The following APP variants were observed in gnomAD, a reference collection of about 807,000 sequenced individuals.
The protein encoded by APP is amyloid-beta precursor protein.
Under a neutral mutation model 101.4 loss-of-function variants are expected in APP, and 31 were observed. The observed-to-expected ratio is 0.31, with a 90% CI of 0.23 to 0.41. The LOEUF (loss-of-function observed/expected upper bound fraction) is 0.41, where lower values mean the gene tolerates loss of function less well. Ranked by LOEUF, APP falls within the 10% of genes least tolerant of loss-of-function variation. APP has a pLI of 1.00. For synonymous variants in APP, 366 were observed against 364.4 expected (o/e 1.00, Z -0.05); for missense variants, 839 against 1,003.7 (o/e 0.84, Z 2.22).
In APP at chr21:25,881,649, A is replaced by T; in HGVS notation, c.*21T>A. The T allele has an allele frequency of 5.0e-6, 8 of 1,610,396 alleles. No homozygotes were observed. Among genetic ancestry groups the T allele is most frequent in the Non-Finnish European group, 6.8e-6 (8 of 1,176,722 alleles). On this transcript the variant is annotated 3_prime_UTR_variant, in exon 18 of 18. Coordinates refer to ENST00000346798, the MANE Select transcript of APP (RefSeq NM_000484.4). ...AGCAATGGTTTTGCTGTCCAACTTC[A>T]GAGGCTGCTGTGGCGGGGGTCTAGT...
chr21:25,939,548 A>G (rs2040490362), intron 13 of APP, among the ~76,000 whole-genome samples: 5 of 152,250 alleles, frequency 3.3e-5, no homozygotes, highest in Admixed American at 3.3e-4. Flanking sequence ...ATAAGGGATG[A>G]GAAAAAGCAG....
At chr21:26,027,521 C>T (rs1001775454) in intron 5 of APP, among the ~76,000 whole-genome samples, 3 of 152,172 alleles carry the variant, frequency 2.0e-5, no homozygotes, top group Non-Finnish European at 4.4e-5. Context: ...GCCAGTACTT[C>T]TCCCGCATAA....
chr21:26,140,293 A>G lies in APP; in HGVS notation c.58-28147T>C, dbSNP rs574808556. 25 of 1,534,744 alleles carry G rather than the reference A, an allele frequency of 1.6e-5. No homozygotes were observed. In the African/African-American group the frequency reaches 2.2e-4, roughly 13 times the overall value. ...CAAACTGTTAACTGCAGTGACCACAACTTGACCCAGGCCAGAGCTTCCATC... is the reference window on the plus strand; with the variant it reads ...CAAACTGTTAACTGCAGTGACCACAGCTTGACCCAGGCCAGAGCTTCCATC... On this transcript the variant is annotated intron_variant, in intron 1 of 17. Coordinates refer to ENST00000346798, the MANE Select transcript of APP (RefSeq NM_000484.4).
intron 2 of APP, among the ~76,000 whole-genome samples, chr21:26,095,507 CTATTA>C (rs1439658453): frequency 1.3e-5 from 2 of 152,000 alleles, no homozygotes; most frequent in African/African-American, 2.4e-5. Flanking sequence ...TTGCTCTATT[CTATTA>C]TTAGTTGTTG....
At chr21:25,888,961 AAC>A (rs2037517441) in intron 17 of APP, among the ~76,000 whole-genome samples, 1 of 152,170 alleles carries the variant, frequency 6.6e-6, no homozygotes, top group East Asian at 1.9e-4. Flanking sequence ...GGAAATTTTC[AAC>A]ACTCAGATTC....
chr21:25,963,469 G>T (rs2041667633), intron 11 of APP, among the ~76,000 whole-genome samples: 1 of 152,160 alleles, frequency 6.6e-6, no homozygotes, highest in African/African-American at 2.4e-5. Context: ...CTGCCAAGAA[G>T]GAAGTAAATG....
chr21:26,133,057 C>A (rs1245231031), intron 1 of APP, among the ~76,000 whole-genome samples: 3 of 151,356 alleles, frequency 2.0e-5, no homozygotes, highest in Non-Finnish European at 1.5e-5. Flanking sequence ...GGCAACATGG[C>A]AAAACCCCGT....
At chr21:26,136,943 A>C (rs2062931899) in intron 1 of APP, among the ~76,000 whole-genome samples, 1 of 152,102 alleles carries the variant, frequency 6.6e-6, no homozygotes, top group Admixed American at 6.5e-5. Flanking sequence ...CCCAGGCTGG[A>C]GTGCAGTGGC....
At chr21:26,096,617 C>T (rs556619131) in intron 2 of APP, among the ~76,000 whole-genome samples, 4 of 152,230 alleles carry the variant, frequency 2.6e-5, no homozygotes, top group African/African-American at 7.2e-5. Context: ...CCACAGGTGG[C>T]ATGTCAACAC....
At chr21:26,061,968 C>G (rs1418060937) in intron 3 of APP, among the ~76,000 whole-genome samples, 1 of 152,098 alleles carries the variant, frequency 6.6e-6, no homozygotes. Context: ...GTAATCCCAG[C>G]ACTTTGGGAG....
At chr21:26,056,994 C>CTTA (rs1471345574) in intron 3 of APP, among the ~76,000 whole-genome samples, 2 of 152,140 alleles carry the variant, frequency 1.3e-5, no homozygotes, top group East Asian at 3.8e-4. Flanking sequence ...CACCAACTGG[C>CTTA]TTAGCACGGT....
intron 2 of APP, among the ~76,000 whole-genome samples, chr21:26,098,037 G>A (rs577224375): frequency 1.4e-3 from 188 of 135,618 alleles, no homozygotes; most frequent in Non-Finnish European, 1.4e-3. Flanking sequence ...CCGAGATCGC[G>A]CCACTGCACT....
intron 5 of APP, among the ~76,000 whole-genome samples, chr21:26,044,152 G>T (rs1601308219): frequency 6.6e-6 from 1 of 152,080 alleles, no homozygotes; most frequent in Non-Finnish European, 1.5e-5. Context: ...TTTCAAGATG[G>T]TTTAAAAAAA....
chr21:26,099,241 C>T (rs1000115922), intron 2 of APP, among the ~76,000 whole-genome samples: 3 of 151,006 alleles, frequency 2.0e-5, no homozygotes, highest in Admixed American at 6.6e-5. Flanking sequence ...ATACATGAAA[C>T]AGAGAATCAA....
At chr21:25,887,530 A>AC (rs1555888081) in intron 17 of APP, among the ~76,000 whole-genome samples, 12 of 151,530 alleles carry the variant, frequency 7.9e-5, no homozygotes, top group Non-Finnish European at 1.5e-4. Flanking sequence ...AAAAAAAAAA[A>AC]AAAAAAAAAA....
At chr21:25,892,219 T>C (rs2037746816) in intron 16 of APP, among the ~76,000 whole-genome samples, 1 of 151,904 alleles carries the variant, frequency 6.6e-6, no homozygotes, top group Non-Finnish European at 1.5e-5. Flanking sequence ...GAACATTTGG[T>C]GAGTGGTGGG....
chr21:25,882,521 G>A (rs2037058291), intron 17 of APP, among the ~76,000 whole-genome samples: 1 of 151,702 alleles, frequency 6.6e-6, no homozygotes, highest in African/African-American at 2.4e-5. Flanking sequence ...GGTCAGGCCA[G>A]TAACTGAAGA....
chr21:26,125,110 A>G (rs2062654140), intron 1 of APP, among the ~76,000 whole-genome samples: 1 of 152,224 alleles, frequency 6.6e-6, no homozygotes, highest in Non-Finnish European at 1.5e-5. Flanking sequence ...CAGGCTGAGT[A>G]TGGGTCGGAC....
intron 17 of APP, among the ~76,000 whole-genome samples, chr21:25,884,063 G>C (rs1403849879): frequency 1.3e-5 from 2 of 152,184 alleles, no homozygotes; most frequent in Non-Finnish European, 2.9e-5. Context: ...ATTTTTAGTA[G>C]AGATGGGGTT....
Sources: allele counts gnomAD v4.1 joint callset (sites outside exome capture counted in the v4.1 genomes callset), GRCh38; gene constraint gnomAD v4.1.1; transcripts MANE v1.5; gene names NCBI Gene and HGNC (gene_info 2026-07-23, HGNC 2026-07-21).